Variants in UGT1A3 observed in about 807,000 individuals in gnomAD.
The protein encoded by UGT1A3 is UDP glucuronosyltransferase family 1 member A3, also known as UDP-glucuronosyltransferase 1A3.
UGT1A3 carries 31 observed loss-of-function variants against 41.0 expected under a neutral mutation model. The observed-to-expected ratio is 0.76, with a 90% confidence interval of 0.57 to 1.02. UGT1A3 has a LOEUF of 1.02. Among genes scored for constraint, UGT1A3 ranks in the 50% least tolerant of loss-of-function variants. The pLI is 0.00. For missense variants in UGT1A3, 737 were observed against 671.0 expected (o/e 1.10, Z -1.09); for synonymous variants, 262 against 257.6 (o/e 1.02, Z -0.17).
chr2:233,739,909 T>C (rs572345956), intron 1 of UGT1A3, among the ~76,000 whole-genome samples: 1 of 151,874 alleles, frequency 6.6e-6, no homozygotes, highest in Non-Finnish European at 1.5e-5. Context: ...TCTCATATTG[T>C]AATTTCCATA....
chr2:233,761,175 ACATG>A lies in UGT1A3; in HGVS notation c.868-5857_868-5854del, dbSNP rs768058244. The A allele has an allele frequency of 9.3e-6, 15 of 1,614,212 alleles. No homozygotes were observed. In the African/African-American group the frequency reaches 1.9e-4, roughly 20 times the overall value. On this transcript the variant is annotated intron_variant, in intron 1 of 4. Coordinates refer to ENST00000482026, the MANE Select transcript of UGT1A3 (RefSeq NM_019093.4). ...AGGTGTGTATTGGAGTGGGACTTTT[ACATG>A]CGTATATTCTTTCAGATGTATTACT... is the stretch of plus-strand genomic sequence containing the variant.
intron 1 of UGT1A3, chr2:233,760,971 C>A (rs773436128): frequency 6.2e-7 from 1 of 1,614,154 alleles, no homozygotes; most frequent in Non-Finnish European, 8.5e-7. Context: ...TGGTTTATTC[C>A]CCGTATGCAA....
At position 233,742,072 on chromosome 2, in the gene UGT1A3, G is replaced by A. The variant is rs147639323; in HGVS notation, c.867+12079G>A. The A allele has an allele frequency of 2.6e-5, 4 of 151,962 alleles. 1 individual carries two copies. Among genetic ancestry groups the A allele is most frequent in the African/African-American group, 9.7e-5 (4 of 41,216 alleles). The allele number at this position is 151,962 out of a possible 1,614,324, so 9.4% of individuals were successfully genotyped here. ...GGATAGTTCTGTGTGGCCTTATGGA[G>A]ATCCTTTTTTTACATTTCCAGGACC... On this transcript the variant is annotated intron_variant, in intron 1 of 4. Coordinates refer to ENST00000482026, the MANE Select transcript of UGT1A3 (RefSeq NM_019093.4).
At position 233,729,691 on chromosome 2, in the gene UGT1A3, A is replaced by G. The variant is rs761191770; in HGVS notation, c.565A>G (p.Asn189Asp). Residue 189 changes from asparagine to aspartate, a missense_variant, in exon 1 of 5, where the codon AAC (asparagine) becomes GAC (aspartate). By Grantham distance (23) the Asn-to-Asp change is conservative. Coordinates refer to ENST00000482026, the MANE Select transcript of UGT1A3 (RefSeq NM_019093.4). ...AGACTTTAAGGGCACACAGTGTCCA[A>G]ACCCTTCCTCCTATATTCCTAGATT... ...DLDFKGTQCPNPSSYIPRLLT... is the reference protein window; with the variant it reads ...DLDFKGTQCPDPSSYIPRLLT... 1.9e-6 allele frequency: 3 copies of G among 1,613,862 alleles called. No homozygotes were observed. The highest frequency in any genetic ancestry group is 1.1e-5 in the South Asian group (1 of 91,076).
chr2:233,747,613 A>T, intron 1 of UGT1A3: 1 of 1,574,722 alleles, frequency 6.4e-7, no homozygotes, highest in Non-Finnish European at 8.7e-7. Context: ...CTACTGCATA[A>T]TGAGGCCCTG....
chr2:233,763,730 G>A (rs559647176), intron 1 of UGT1A3, among the ~76,000 whole-genome samples: 3 of 152,268 alleles, frequency 2.0e-5, no homozygotes, highest in Non-Finnish European at 4.4e-5. Context: ...GCACAACCTG[G>A]CATTGGCGTG....
chr2:233,744,569 T>A (rs1692854365), intron 1 of UGT1A3, among the ~76,000 whole-genome samples: 2 of 151,878 alleles, frequency 1.3e-5, no homozygotes, highest in Non-Finnish European at 2.9e-5. Context: ...GTGAGAAGAG[T>A]GGCATCGTTT....
In UGT1A3 at chr2:233,768,295, C is replaced by G; in HGVS notation, c.1163C>G (p.Pro388Arg). The part of the protein sequence containing the change: ...GVYESICNGV[P>R]MVMMPLFGDQ... ...TATGAAAGCATATGCAATGGCGTTC[C>G]CATGGTGATGATGCCCTTGTTTGGT... The change falls in exon 4 of 5, where the codon CCC (proline) becomes CGC (arginine). Residue 388 changes from proline (P) to arginine (R), a missense_variant. Physicochemically the swap from Pro to Arg is moderately radical, Grantham distance 103 (BLOSUM62 -2). Transcript: ENST00000482026. 6.2e-7 allele frequency: 1 copy of G among 1,614,158 alleles called. No individual in the cohort carries two copies. Among genetic ancestry groups the G allele is most frequent in the Admixed American group, 1.7e-5 (1 of 60,024 alleles).
chr2:233,738,894 A>C lies in UGT1A3; in HGVS notation c.867+8901A>C. ...TCCAGGGCATGTCAGAGACCTTTGC[A>C]GCAGACCCTCCCATCACAGGCCTGG... On this transcript the variant is annotated intron_variant, in intron 1 of 4. Transcript: ENST00000482026. 2 of 152,268 alleles carry C rather than the reference A, an allele frequency of 1.3e-5. 1 individual carries two copies. Among genetic ancestry groups the C allele is most frequent in the Non-Finnish European group, 2.9e-5 (2 of 68,064 alleles). 9.4% of individuals were successfully genotyped at this position (152,268 alleles called of 1,614,324 possible).
At chr2:233,760,319 T>C (rs201984525) in intron 1 of UGT1A3, 2 of 1,614,040 alleles carry the variant, frequency 1.2e-6, no homozygotes, top group Non-Finnish European at 1.7e-6. Context: ...GGACGCCCAC[T>C]TGTCCTGGGC....
At chr2:233,735,658 T>C (rs948195085) in intron 1 of UGT1A3, among the ~76,000 whole-genome samples, 2 of 152,230 alleles carry the variant, frequency 1.3e-5, no homozygotes, top group African/African-American at 2.4e-5. Flanking sequence ...CTGGTGTTTC[T>C]TTCCATGTTT....
intron 1 of UGT1A3, among the ~76,000 whole-genome samples, chr2:233,765,979 G>A (rs1451312439): frequency 1.3e-5 from 2 of 152,138 alleles, no homozygotes; most frequent in Non-Finnish European, 2.9e-5. Flanking sequence ...GATGTTTACA[G>A]CTCCTGAAGC....
At chr2:233,756,303 C>T (rs529039026) in intron 1 of UGT1A3, 7 of 152,196 alleles carry the variant, frequency 4.6e-5, no homozygotes, top group African/African-American at 9.7e-5. Context: ...TTGTATATAA[C>T]CTACCCATAT....
chr2:233,771,091 C>CAGG (rs1700235837), intron 4 of UGT1A3: 1 of 152,122 alleles, frequency 6.6e-6, no homozygotes, highest in African/African-American at 2.4e-5. Flanking sequence ...AACTCACTAT[C>CAGG]AGGAAGACAG....
At position 233,769,829 on chromosome 2, in the gene UGT1A3, A is replaced by C; in HGVS notation, c.1307+1390A>C. 1.4e-6 allele frequency: 1 copy of C among 707,246 alleles called. No homozygotes were observed. Among genetic ancestry groups the C allele is most frequent in the East Asian group, 3.2e-5 (1 of 31,212 alleles). The allele number at this position is 707,246 out of a possible 1,614,324, so 43.8% of individuals were successfully genotyped here. On this transcript the variant is annotated intron_variant, in intron 4 of 4. Transcript: ENST00000482026. This position sits in a 1 kb window ranked among gnomAD's most constrained non-coding sequence, Gnocchi z 4.4. ...GTGATCATGCCACTGCACTCCAGCA[A>C]CCTGGGCAACAGAGTGAGACCCTGT...
chr2:233,747,864 C>G, intron 1 of UGT1A3: 2 of 1,613,576 alleles, frequency 1.2e-6, no homozygotes, highest in South Asian at 2.2e-5. Context: ...GCTCTACCCT[C>G]TGGCCCTGTC....
At chr2:233,739,631 G>A (rs767111221) in intron 1 of UGT1A3, among the ~76,000 whole-genome samples, 3 of 152,206 alleles carry the variant, frequency 2.0e-5, no homozygotes, top group Admixed American at 6.5e-5. Context: ...ATTTGAAATG[G>A]GAACATTTAC....
chr2:233,754,732 C>T (rs561827604), intron 1 of UGT1A3: 4 of 641,140 alleles, frequency 6.2e-6, no homozygotes, highest in African/African-American at 5.6e-5. Flanking sequence ...CCATCACTAC[C>T]GTAGGACATG....
rs1406835631 is a variant in UGT1A3 at position 233,768,368 on chromosome 2, G to T, written c.1236G>T (p.Val412=). The T allele has an allele frequency of 6.2e-7, 1 of 1,614,116 alleles. No individual in the cohort carries two copies. The highest frequency in any genetic ancestry group is 2.2e-5 in the East Asian group (1 of 44,876). Residue 412 remains valine, a synonymous_variant, in exon 4 of 5, where the codon GTG becomes GTT. Coordinates refer to ENST00000482026, the MANE Select transcript of UGT1A3 (RefSeq NM_019093.4). ...AKRMETKGAG[V]TLNVLEMTSE... ...GCATGGAGACTAAGGGAGCTGGAGT[G>T]ACCCTGAATGTTCTGGAAATGACTT...
Sources: gnomAD v4.1 joint callset for allele counts (sites outside exome capture counted in the v4.1 genomes callset) on GRCh38, gnomAD v4.1.1 for gene constraint, Gnocchi (gnomAD v3.1) non-coding constraint, MANE v1.5 for transcripts, NCBI Gene and HGNC (gene_info 2026-07-23, HGNC 2026-07-21) for gene names.